The following DENND2C variants were observed in gnomAD, a reference collection of about 807,000 sequenced individuals.
The protein encoded by DENND2C is DENN domain containing 2C.
In DENND2C, 72 loss-of-function variants were observed where a neutral mutation model predicts 112.4. That is an observed-to-expected ratio of 0.64 (90% CI 0.53 to 0.78). DENND2C has a LOEUF of 0.78. DENND2C is among the 30% of genes least tolerant of loss of function. The pLI, the probability that DENND2C is intolerant of heterozygous loss-of-function variation, is 0.00. For synonymous variants in DENND2C, 329 were observed against 381.6 expected (o/e 0.86, Z 1.61); for missense variants, 992 against 1,113.8 (o/e 0.89, Z 1.56).
chr1:114,588,038 G>T, intron 18 of DENND2C, 86 bp from the exon 19 acceptor site: 1 of 1,150,504 alleles, frequency 8.7e-7, no homozygotes, highest in Non-Finnish European at 1.2e-6. Flanking sequence ...TGGAAGTCGT[G>T]CCTAAGAAGT....
At chr1:114,612,616 T>A (rs1432594839) in intron 8 of DENND2C, among the ~76,000 whole-genome samples, 1 of 149,786 alleles carries the variant, frequency 6.7e-6, no homozygotes, top group African/African-American at 2.5e-5. Context: ...ACCTCCAGGG[T>A]TCAAGCAGTT....
At chr1:114,592,187 A>G (rs77315026) in intron 18 of DENND2C, among the ~76,000 whole-genome samples, 7,567 of 152,022 alleles carry the variant, frequency 0.05, 212 homozygotes, top group South Asian at 0.084. Context: ...GCCCGGCCCT[A>G]GTATCATTTA....
intron 18 of DENND2C, among the ~76,000 whole-genome samples, chr1:114,594,221 G>A (rs1655276914): frequency 6.6e-6 from 1 of 152,164 alleles, no homozygotes; most frequent in Non-Finnish European, 1.5e-5. Flanking sequence ...GGACCTACAG[G>A]AAGAAAGGGC....
chr1:114,600,467 G>A (rs555150889), intron 14 of DENND2C, 115 bp from the exon 15 acceptor site: 134 of 1,369,066 alleles, frequency 9.8e-5, no homozygotes, highest in South Asian at 4.3e-4. Flanking sequence ...TCTGCTACAC[G>A]GGGTCTGTGA....
chr1:114,669,675 C>T (rs1657735889), intron 1 of DENND2C, among the ~76,000 whole-genome samples: 1 of 152,162 alleles, frequency 6.6e-6, no homozygotes, highest in African/African-American at 2.4e-5. Flanking sequence ...AGAGCGGCGC[C>T]CAGCCTAGGG....
At chr1:114,633,456 A>AAG (rs1656552899) in intron 3 of DENND2C, among the ~76,000 whole-genome samples, 1 of 149,642 alleles carries the variant, frequency 6.7e-6, no homozygotes, top group African/African-American at 2.5e-5. Flanking sequence ...AAAAAAAAAA[A>AAG]AAAAAAGAAA....
In DENND2C at chr1:114,587,376, C is replaced by T; in HGVS notation, c.2755+11G>A. ...GCCACATTTATCTAACAGGAAAACACAGCAACTAACCAAGACTCCGCAAAA... is the reference window on the plus strand; with the variant it reads ...GCCACATTTATCTAACAGGAAAACATAGCAACTAACCAAGACTCCGCAAAA... On this transcript the variant is annotated intron_variant, in intron 20 of 20. Transcript: ENST00000393274. 1 of 1,614,132 alleles carries T rather than the reference C, an allele frequency of 6.2e-7. No homozygotes were observed. Among genetic ancestry groups the T allele is most frequent in the South Asian group, 1.1e-5 (1 of 91,088 alleles).
chr1:114,631,549 C>T (rs1410930828), intron 3 of DENND2C, among the ~76,000 whole-genome samples: 1 of 151,934 alleles, frequency 6.6e-6, no homozygotes, highest in Non-Finnish European at 1.5e-5. Context: ...TTTGGGAGGC[C>T]AAGGCAGGCG....
At chr1:114,593,505 C>T (rs1338819544) in intron 18 of DENND2C, among the ~76,000 whole-genome samples, 1 of 152,124 alleles carries the variant, frequency 6.6e-6, no homozygotes, top group Admixed American at 6.6e-5. Flanking sequence ...TCCTTCTAGG[C>T]CAGGTGTGGT....
Position 114,605,012 on chromosome 1 carries a change from T to C in DENND2C, c.1577A>G (p.Gln526Arg). 1 of 1,613,266 alleles carries C rather than the reference T, an allele frequency of 6.2e-7. No homozygotes were observed. Among genetic ancestry groups the C allele is most frequent in the Non-Finnish European group, 8.5e-7 (1 of 1,179,684 alleles). ...AAGTCTCTCTTCCATGTCTTTGGAC[T>C]GCTTATAGCCATGATCATCCTGAAA... ...FPGKDDHGYK[Q>R]SKDMEERLKV... Residue 526 changes from glutamine (Q) to arginine (R), a missense_variant, in exon 11 of 21, where the codon CAG becomes CGG. Around this residue, in one of 3 missense-constraint regions of DENND2C, gnomAD observed 516 missense variants for 623.6 expected, o/e 0.83. Coordinates refer to ENST00000393274, the MANE Select transcript of DENND2C (RefSeq NM_001256404.2).
chr1:114,601,040 G>A, intron 13 of DENND2C, 80 bp from the exon 14 acceptor site: 2 of 1,435,102 alleles, frequency 1.4e-6, no homozygotes, highest in Non-Finnish European at 1.9e-6. Flanking sequence ...TGCCAAACCT[G>A]GTGTACAAAC....
chr1:114,622,171 T>C, intron 6 of DENND2C, 106 bp from the exon 7 acceptor site: 1 of 1,193,538 alleles, frequency 8.4e-7, no homozygotes, highest in Non-Finnish European at 1.1e-6. Flanking sequence ...TGGAATGCAG[T>C]GGCACGATCA....
intron 8 of DENND2C, among the ~76,000 whole-genome samples, chr1:114,616,396 A>T (rs1260682838): frequency 5.3e-5 from 8 of 151,896 alleles, no homozygotes; most frequent in Non-Finnish European, 1.0e-4. Flanking sequence ...TGTATCCAAA[A>T]GAAAAAAAAA....
Position 114,618,373 on chromosome 1 carries a change from A to G in DENND2C, c.1324+13T>C, listed in dbSNP as rs1370311371. ...ACAGCTACAGGATAGCTGGAACGAA[A>G]AACAATTCTTACCTTTTGTCGGAGG... is the stretch of plus-strand genomic sequence containing the variant. On this transcript the variant is annotated intron_variant, in intron 8 of 20. Coordinates refer to ENST00000393274, the MANE Select transcript of DENND2C (RefSeq NM_001256404.2). 5 of 1,539,802 alleles carry G rather than the reference A, an allele frequency of 3.2e-6. No homozygotes were observed. Among genetic ancestry groups the G allele is most frequent in the Non-Finnish European group, 4.4e-6 (5 of 1,138,122 alleles).
intron 10 of DENND2C, among the ~76,000 whole-genome samples, chr1:114,607,288 A>T (rs1655684062): frequency 6.6e-6 from 1 of 152,212 alleles, no homozygotes; most frequent in Non-Finnish European, 1.5e-5. Flanking sequence ...TAGCATTTCA[A>T]GATGGTGACT....
At chr1:114,599,984 G>T (rs1170346171) in intron 15 of DENND2C, among the ~76,000 whole-genome samples, 1 of 152,012 alleles carries the variant, frequency 6.6e-6, no homozygotes, top group Non-Finnish European at 1.5e-5. Flanking sequence ...GGGGGATGGG[G>T]GGAGGGCTAG....
chr1:114,596,681 C>G (rs1302058738), intron 16 of DENND2C, among the ~76,000 whole-genome samples: 1 of 152,066 alleles, frequency 6.6e-6, no homozygotes, highest in Admixed American at 6.5e-5. Flanking sequence ...AGTGGGGTGA[C>G]TGGTACACAA....
In DENND2C at chr1:114,608,991, G is replaced by T. The variant is rs906906884; in HGVS notation, c.1370-118C>A. 1.1e-5 allele frequency: 12 copies of T among 1,122,480 alleles called. No homozygotes were observed. The African/African-American group carries it at 1.7e-4, about 16-fold the overall frequency. 69.5% of individuals were successfully genotyped at this position (1,122,480 alleles called of 1,614,324 possible). A position where few individuals can be genotyped will look rare whatever the true frequency, so the allele number is the denominator to read the frequency against. ...ACACAGTCACTGCTGAATGAATGTTGAATAACCAGCATCTGCCACATAGAC... is the reference window on the plus strand; with the variant it reads ...ACACAGTCACTGCTGAATGAATGTTTAATAACCAGCATCTGCCACATAGAC... On this transcript the variant is annotated intron_variant, in intron 9 of 20. Transcript: ENST00000393274.
intron 3 of DENND2C, among the ~76,000 whole-genome samples, chr1:114,630,041 G>A (rs975051395): frequency 2.0e-5 from 3 of 152,052 alleles, no homozygotes; most frequent in Admixed American, 1.3e-4. Context: ...CTGGCTGGGC[G>A]TGGTGGCTCA....
Sources: allele counts gnomAD v4.1 joint callset (sites outside exome capture counted in the v4.1 genomes callset), GRCh38; gene constraint gnomAD v4.1.1; regional missense constraint gnomAD v4.1.1; transcripts MANE v1.5; gene names NCBI Gene and HGNC (gene_info 2026-07-23, HGNC 2026-07-21).